The following MAX variants were observed in gnomAD, a reference collection of about 807,000 sequenced individuals.
The protein encoded by MAX is MYC associated transcriptional regulator X, also known as protein max.
Under a neutral mutation model 22.3 loss-of-function variants are expected in MAX, and 3 were observed. The ratio of observed to expected loss-of-function variants is 0.13; its 90% CI spans 0.06 to 0.35. The LOEUF is 0.35. Among genes scored for constraint, MAX ranks in the 10% least tolerant of loss-of-function variants. The pLI, the probability that MAX is intolerant of heterozygous loss-of-function variation, is 1.00. For missense variants in MAX, 119 were observed against 209.4 expected (o/e 0.57, Z 2.66); for synonymous variants, 72 against 77.7 (o/e 0.93, Z 0.39).
Position 65,084,479 on chromosome 14 carries a change from A to T in MAX, c.172-6443T>A, listed in dbSNP as rs78342855. Among the ~76,000 whole-genome samples, 958 of 152,294 alleles carry T rather than the reference A, an allele frequency of 6.3e-3. 8 individuals carry two copies. Among genetic ancestry groups the T allele is most frequent in the African/African-American group, 0.022 (920 of 41,560 alleles). The stretch of plus-strand genomic sequence containing the variant: ...TACTCTTTAGAATTTGCTTGAAAAA[A>T]AGAAAGAAATGGAAGAAAGAGGATA... On this transcript the variant is annotated intron_variant, in intron 3 of 4. Coordinates refer to ENST00000358664, the MANE Select transcript of MAX (RefSeq NM_002382.5). This position sits in a 1 kb window ranked among gnomAD's most constrained non-coding sequence, Gnocchi z 4.3.
In MAX at chr14:65,075,547, G is replaced by C. The variant is rs1422741271; in HGVS notation, c.*929C>G. On this transcript the variant is annotated 3_prime_UTR_variant, in exon 5 of 5. Coordinates refer to ENST00000358664, the MANE Select transcript of MAX (RefSeq NM_002382.5). This position sits in a 1 kb window ranked among gnomAD's most constrained non-coding sequence, Gnocchi z 4.1. ...AGAAATACACACGGGAAGAAAGAAA[G>C]ATTTCATCATTACTTTATGAATCTG... is the stretch of plus-strand genomic sequence containing the variant. 9.4e-7 allele frequency: 1 copy of C among 1,065,618 alleles called. No individual in the cohort carries two copies. Among genetic ancestry groups the C allele is most frequent in the Non-Finnish European group, 1.1e-6 (1 of 879,298 alleles). The allele number at this position is 1,065,618 out of a possible 1,614,324, so 66.0% of individuals were successfully genotyped here.
intron 3 of MAX, among the ~76,000 whole-genome samples, chr14:65,056,368 C>T (rs1393581582): frequency 6.6e-6 from 1 of 152,142 alleles, no homozygotes; most frequent in Non-Finnish European, 1.5e-5. Flanking sequence ...TGGTATCTGT[C>T]TCATTGGGTT....
chr14:65,094,109 C>T (rs762873859), intron 2 of MAX: 35 of 402,992 alleles, frequency 8.7e-5, no homozygotes, highest in Non-Finnish European at 1.6e-4. Context: ...CCTGTAACAT[C>T]AGTGGTCCCC....
chr14:65,037,744 A>C (rs200963263), intron 3 of MAX, among the ~76,000 whole-genome samples: 1 of 59,008 alleles, frequency 1.7e-5, no homozygotes, highest in Non-Finnish European at 3.4e-5. Context: ...TTTATTTATT[A>C]TTTATTTATT....
intron 3 of MAX, among the ~76,000 whole-genome samples, chr14:65,039,624 C>G (rs2062297785): frequency 6.6e-6 from 1 of 152,000 alleles, no homozygotes; most frequent in Non-Finnish European, 1.5e-5. Flanking sequence ...AAAGGTTTCT[C>G]TATTCTACTA....
At chr14:65,019,175 A>ACAAAAG (rs1555391521) in intron 3 of MAX, among the ~76,000 whole-genome samples, 4 of 151,772 alleles carry the variant, frequency 2.6e-5, no homozygotes, top group Non-Finnish European at 4.4e-5. Flanking sequence ...CTCCATCTCA[A>ACAAAAG]AAAAAGAAAA....
chr14:65,011,474 C>G lies in MAX; in HGVS notation c.172-5190G>C, dbSNP rs2061683127. Among the ~76,000 whole-genome samples, 1 of 150,100 alleles carries G rather than the reference C, an allele frequency of 6.7e-6. No homozygotes were observed. Among genetic ancestry groups the G allele is most frequent in the Non-Finnish European group, 1.5e-5 (1 of 67,682 alleles). ...AAAAGACTGCATGAAGGCTCTTACTCTGAGCCAAGTACAGTGGGAATTTGA... is the reference window on the plus strand; with the variant it reads ...AAAAGACTGCATGAAGGCTCTTACTGTGAGCCAAGTACAGTGGGAATTTGA... On this transcript the variant is annotated intron_variant, in intron 3 of 3. Coordinates refer to the MAX transcript ENST00000341653. The surrounding 1 kb of genome is among the most constrained non-coding windows in gnomAD (Gnocchi z 4.0).
intron 3 of MAX, chr14:65,015,719 G>T (rs1356565565): frequency 6.2e-7 from 1 of 1,613,716 alleles, no homozygotes; most frequent in Admixed American, 1.7e-5. Flanking sequence ...GCTACAGAGT[G>T]AGTCTGTCTT....
rs2139888242 is a variant in MAX, at chr14:65,093,838, A to C, written c.64-23T>G. On this transcript the variant is annotated intron_variant, in intron 2 of 4. Coordinates refer to ENST00000358664, the MANE Select transcript of MAX (RefSeq NM_002382.5). This position sits in a 1 kb window ranked among gnomAD's most constrained non-coding sequence, Gnocchi z 4.4. ...AGCCTAGAAGAATGGGAGAAAGAACACATTAGGAATGTCACTCCTTTTGCT... is the reference window on the plus strand; with the variant it reads ...AGCCTAGAAGAATGGGAGAAAGAACCCATTAGGAATGTCACTCCTTTTGCT... 1 of 1,329,524 alleles carries C rather than the reference A, an allele frequency of 7.5e-7. No homozygotes were observed. Among genetic ancestry groups the C allele is most frequent in the Non-Finnish European group, 1.1e-6 (1 of 920,126 alleles). The allele number at this position is 1,329,524 out of a possible 1,614,324, so 82.4% of individuals were successfully genotyped here. A position where few individuals can be genotyped will look rare whatever the true frequency, so the allele number is the denominator to read the frequency against.
rs2062512149 is a variant in MAX at position 65,047,603 on chromosome 14, G to A, written c.172-41319C>T. ...TAAGTCATTTTTTGGAGGGCAGTTTGGAGACATCCATTTAAATTATAAGGG... is the reference window on the plus strand; with the variant it reads ...TAAGTCATTTTTTGGAGGGCAGTTTAGAGACATCCATTTAAATTATAAGGG... On this transcript the variant is annotated intron_variant, in intron 3 of 3. Coordinates refer to the MAX transcript ENST00000341653. This position sits in a 1 kb window ranked among gnomAD's most constrained non-coding sequence, Gnocchi z 5.2. 6.6e-6 allele frequency among the ~76,000 whole-genome samples: 1 copy of A among 152,138 alleles called. No homozygotes were observed. The highest frequency in any genetic ancestry group is 6.5e-5 in the Admixed American group (1 of 15,272).
chr14:65,025,127 C>G (rs535962699), intron 3 of MAX, among the ~76,000 whole-genome samples: 1 of 152,272 alleles, frequency 6.6e-6, no homozygotes, highest in East Asian at 1.9e-4. Flanking sequence ...CTCCAGTTCT[C>G]TAGCACAGCC....
chr14:65,081,989 T>A (rs1161959764), intron 3 of MAX: 1 of 152,108 alleles, frequency 6.6e-6, no homozygotes, highest in Non-Finnish European at 1.5e-5. Flanking sequence ...CAAGTGACAA[T>A]GATGATGGGG....
chr14:65,034,953 A>G (rs1333967787), intron 3 of MAX, among the ~76,000 whole-genome samples: 1 of 152,226 alleles, frequency 6.6e-6, no homozygotes, highest in Non-Finnish European at 1.5e-5. Context: ...CAGGCAGTCA[A>G]CTTGGTCAGA....
chr14:65,019,516 T>A (rs1001049090), intron 3 of MAX, among the ~76,000 whole-genome samples: 3 of 152,008 alleles, frequency 2.0e-5, no homozygotes, highest in African/African-American at 7.3e-5. Flanking sequence ...ACATTTTTTT[T>A]AAGCTTACTT....
At chr14:65,037,398 G>A (rs1431910168) in intron 3 of MAX, among the ~76,000 whole-genome samples, 5 of 15,884 alleles carry the variant, frequency 3.1e-4, no homozygotes, top group East Asian at 1.5e-3. Flanking sequence ...CCACCACGCC[G>A]GGCCCTTTTT....
At chr14:65,100,405 G>A (rs1022596970) in intron 2 of MAX, among the ~76,000 whole-genome samples, 2 of 152,140 alleles carry the variant, frequency 1.3e-5, no homozygotes, top group Non-Finnish European at 2.9e-5. Context: ...AGCCGAGATA[G>A]CGCCATTGCA....
chr14:65,085,930 CTTGAAT>C (rs1335754496), intron 3 of MAX, among the ~76,000 whole-genome samples: 1 of 152,164 alleles, frequency 6.6e-6, no homozygotes, highest in Admixed American at 6.5e-5. Flanking sequence ...CAAATCTCAT[CTTGAAT>C]TTAACTCCCA....
chr14:65,010,440 A>G (rs758861577), intron 3 of MAX, among the ~76,000 whole-genome samples: 5 of 152,238 alleles, frequency 3.3e-5, no homozygotes, highest in African/African-American at 4.8e-5. Context: ...ACCTGAATGC[A>G]GTCCCAGCAT....
In MAX at chr14:65,075,961, GA is replaced by G. The variant is rs75125987; in HGVS notation, c.*514del. 0.015 allele frequency: 10,742 copies of G among 732,204 alleles called. 11 individuals carry two copies. The highest frequency in any genetic ancestry group is 0.031 in the East Asian group (443 of 14,468). The allele number at this position is 732,204 out of a possible 1,614,324, so 45.4% of individuals were successfully genotyped here. The stretch of plus-strand genomic sequence containing the variant: ...GCGATACATAGCTTTTTAGAAAAAG[GA>G]AAAAAAAAAAACCCTTAAAAAGGAG... On this transcript the variant is annotated 3_prime_UTR_variant, in exon 5 of 5. Coordinates refer to ENST00000358664, the MANE Select transcript of MAX (RefSeq NM_002382.5). The surrounding 1 kb of genome is among the most constrained non-coding windows in gnomAD (Gnocchi z 4.1).
Sources: allele counts gnomAD v4.1 joint callset (sites outside exome capture counted in the v4.1 genomes callset), GRCh38; gene constraint gnomAD v4.1.1; non-coding constraint Gnocchi (gnomAD v3.1); transcripts MANE v1.5; gene names NCBI Gene and HGNC (gene_info 2026-07-23, HGNC 2026-07-21).